FAM193A: variants seen among roughly 807,000 people sequenced by gnomAD.
FAM193A encodes protein FAM193A.
In FAM193A, 22 loss-of-function variants were observed where a neutral mutation model predicts 126.5. The observed-to-expected ratio is 0.17, with a 90% CI of 0.12 to 0.25. FAM193A has a LOEUF of 0.25. Among genes scored for constraint, FAM193A ranks in the 10% least tolerant of loss-of-function variants. The pLI is 1.00. For synonymous variants in FAM193A, 761 were observed against 646.8 expected, an observed-to-expected ratio of 1.18 and a Z score of -2.68; for missense variants, 1,675 against 1,672.8, an observed-to-expected ratio of 1.00 and a Z score of -0.02.
intron 13 of FAM193A, among the ~76,000 whole-genome samples, chr4:2,684,338 A>T (rs1356573666): frequency 1.3e-5 from 2 of 151,886 alleles, no homozygotes; most frequent in African/African-American, 4.8e-5. Flanking sequence ...TTAAGTCCTG[A>T]TTCTGACTAT....
At chr4:2,614,994 T>C (rs1742097606) in intron 2 of FAM193A, 1 of 152,236 alleles carries the variant, frequency 6.6e-6, no homozygotes, top group African/African-American at 2.4e-5. Context: ...CCCCTAAGAC[T>C]GGCTAGATAA....
intron 15 of FAM193A, among the ~76,000 whole-genome samples, chr4:2,692,472 G>A (rs756135335): frequency 2.2e-4 from 34 of 152,330 alleles, no homozygotes; most frequent in Middle Eastern, 3.4e-3. Flanking sequence ...CAAAGGAATG[G>A]TGGGTGCCAG....
At chr4:2,624,072 G>A (rs1742728000) in intron 2 of FAM193A, among the ~76,000 whole-genome samples, 1 of 152,110 alleles carries the variant, frequency 6.6e-6, no homozygotes, top group African/African-American at 2.4e-5. Flanking sequence ...CCGATGGAAG[G>A]GTAACTGAGC....
Position 2,597,166 on chromosome 4 carries a change from C to T in FAM193A, c.501+837C>T, listed in dbSNP as rs181012035. 5.2e-3 allele frequency among the ~76,000 whole-genome samples: 796 copies of T among 152,234 alleles called. 9 individuals are homozygous for T. Among genetic ancestry groups the T allele is most frequent in the Non-Finnish European group, 5.8e-3 (397 of 68,012 alleles). ...GTTTCTATCCTTGGGGTCTCATTGT[C>T]AGAATTACTTTCTCACTCGGCCCCT... On this transcript the variant is annotated intron_variant, in intron 2 of 20. Coordinates refer to ENST00000637812, the MANE Select transcript of FAM193A (RefSeq NM_001366318.2).
At chr4:2,637,064 C>T (rs1744153082) in intron 5 of FAM193A, among the ~76,000 whole-genome samples, 1 of 152,196 alleles carries the variant, frequency 6.6e-6, no homozygotes, top group South Asian at 2.1e-4. Flanking sequence ...TGGTGGCCCA[C>T]ACCTGTAATC....
chr4:2,731,962 C>T lies in FAM193A; in HGVS notation c.*94C>T, dbSNP rs561928064. On this transcript the variant is annotated 3_prime_UTR_variant, in exon 21 of 21. Coordinates refer to ENST00000637812, the MANE Select transcript of FAM193A (RefSeq NM_001366318.2). ...TCGCTGGCGCCCCAGAGCCGTGGTG[C>T]TTGCCAAGGGCTGTGCGGAGCTGGT... The T allele has an allele frequency of 1.0e-5, 10 of 973,068 alleles. No individual in the cohort carries two copies. In the East Asian group the frequency reaches 1.9e-4, roughly 19 times the overall value. The allele number at this position is 973,068 out of a possible 1,614,324, so 60.3% of individuals were successfully genotyped here. A position where few individuals can be genotyped will look rare whatever the true frequency, so the allele number is the denominator to read the frequency against.
At chr4:2,721,599 G>A (rs555566556) in intron 20 of FAM193A, among the ~76,000 whole-genome samples, 71 of 152,364 alleles carry the variant, frequency 4.7e-4, no homozygotes, top group African/African-American at 1.7e-3. Flanking sequence ...GACCAGAGGA[G>A]GTGCTGCTGC....
At position 2,693,973 on chromosome 4, in the gene FAM193A, G is replaced by C. The variant is rs16843212; in HGVS notation, c.3092+99G>C. The C allele has an allele frequency of 5.3e-3, 6,868 of 1,285,594 alleles. 292 individuals are homozygous for C. In the African/African-American group the frequency reaches 0.09, roughly 17 times the overall value. 79.6% of individuals were successfully genotyped at this position (1,285,594 alleles called of 1,614,324 possible). ...GAAACTCCCCTGGGACCATGCAGTG[G>C]AAAAGTCTAGTGAAATGCCGAGGGA... On this transcript the variant is annotated intron_variant, in intron 16 of 20. Coordinates refer to ENST00000637812, the MANE Select transcript of FAM193A (RefSeq NM_001366318.2).
chr4:2,613,411 G>T (rs1741994586), intron 2 of FAM193A, among the ~76,000 whole-genome samples: 1 of 135,186 alleles, frequency 7.4e-6, no homozygotes, highest in Non-Finnish European at 1.6e-5. Flanking sequence ...TTGGCCATGT[G>T]TACTGTAAAA....
intron 19 of FAM193A, among the ~76,000 whole-genome samples, chr4:2,707,904 C>T (rs1718488870): frequency 6.6e-6 from 1 of 151,938 alleles, no homozygotes; most frequent in Admixed American, 6.6e-5. Flanking sequence ...GCCGCACCAG[C>T]ACACTCAACT....
chr4:2,561,373 G>A (rs1345564621), intron 1 of FAM193A, among the ~76,000 whole-genome samples: 1 of 151,914 alleles, frequency 6.6e-6, no homozygotes, highest in Non-Finnish European at 1.5e-5. Flanking sequence ...GGTAGAGACA[G>A]AGTTTCACCA....
Position 2,617,585 on chromosome 4 carries a change from C to A in FAM193A, c.502-7677C>A, listed in dbSNP as rs138906371. On this transcript the variant is annotated intron_variant, in intron 2 of 20. Coordinates refer to ENST00000637812, the MANE Select transcript of FAM193A (RefSeq NM_001366318.2). ...GGCCTATGAATATTTTAAACTCTTT[C>A]ATTTTGTCTCCTGTTGACCTTACTA... Among the ~76,000 whole-genome samples the A allele has an allele frequency of 1.4e-3, 211 of 151,908 alleles. 1 individual carries two copies. The highest frequency in any genetic ancestry group is 5.0e-3 in the African/African-American group (206 of 41,428).
At chr4:2,708,795 G>A (rs1718598634) in intron 19 of FAM193A, among the ~76,000 whole-genome samples, 1 of 152,100 alleles carries the variant, frequency 6.6e-6, no homozygotes, top group South Asian at 2.1e-4. Flanking sequence ...TTACTTTACT[G>A]AATTTTATTG....
chr4:2,651,476 G>A (rs1250770903), intron 7 of FAM193A, among the ~76,000 whole-genome samples: 1 of 152,184 alleles, frequency 6.6e-6, no homozygotes, highest in East Asian at 1.9e-4. Flanking sequence ...GGCAAGGCAC[G>A]TCTTACACAG....
intron 5 of FAM193A, among the ~76,000 whole-genome samples, chr4:2,637,002 C>T (rs904743516): frequency 1.3e-5 from 2 of 152,142 alleles, no homozygotes; most frequent in African/African-American, 4.8e-5. Flanking sequence ...GATAATGAGT[C>T]ATATTTTTTG....
Position 2,578,391 on chromosome 4 carries a change from CTG to C in FAM193A, c.256-17691_256-17690del, listed in dbSNP as rs1329376017. Among the ~76,000 whole-genome samples the C allele has an allele frequency of 1.8e-4, 27 of 151,972 alleles. 1 individual carries two copies. The South Asian group carries it at 5.2e-3, about 29-fold the overall frequency. ...ACTAATGATTACTGTGCACTAGACT[CTG>C]TATCAAGCACTTGACATACCGTATC... On this transcript the variant is annotated intron_variant, in intron 1 of 20. Coordinates refer to ENST00000637812, the MANE Select transcript of FAM193A (RefSeq NM_001366318.2).
chr4:2,567,672 C>T (rs1578613301), intron 1 of FAM193A, among the ~76,000 whole-genome samples: 2 of 152,282 alleles, frequency 1.3e-5, no homozygotes, highest in South Asian at 4.1e-4. Context: ...CATTCATTAA[C>T]TGCTGCAGAG....
At chr4:2,580,601 A>C (rs1577034323) in intron 1 of FAM193A, among the ~76,000 whole-genome samples, 1 of 152,116 alleles carries the variant, frequency 6.6e-6, no homozygotes, top group Non-Finnish European at 1.5e-5. Context: ...CATGGTAATG[A>C]ATGAGTTCTT....
At chr4:2,613,055 G>T (rs1416293275) in intron 2 of FAM193A, among the ~76,000 whole-genome samples, 1 of 152,114 alleles carries the variant, frequency 6.6e-6, no homozygotes, top group Non-Finnish European at 1.5e-5. Flanking sequence ...TATGAATATG[G>T]TATAACTCTT....
Sources: gnomAD v4.1 joint callset for allele counts (sites outside exome capture counted in the v4.1 genomes callset) on GRCh38, gnomAD v4.1.1 for gene constraint, MANE v1.5 for transcripts, NCBI Gene and HGNC (gene_info 2026-07-23, HGNC 2026-07-21) for gene names.